PUDP: variants seen among roughly 807,000 people sequenced by gnomAD.
PUDP encodes the protein pseudouridine-5'-phosphatase.
In PUDP, 8 loss-of-function variants were observed where a neutral mutation model predicts 9.4. The observed-to-expected ratio is 0.85, with a 90% CI of 0.50 to 1.53. PUDP has a LOEUF of 1.53. PUDP is among the 40% of genes most tolerant of loss of function. The probability of loss-of-function intolerance (pLI) is 0.00; values close to 1 mark genes in which losing one functional copy is unlikely to be tolerated. For synonymous variants in PUDP, 99 were observed against 80.7 expected, an observed-to-expected ratio of 1.23 and a Z score of -1.22; for missense variants, 188 against 189.7, an observed-to-expected ratio of 0.99 and a Z score of 0.05.
chrX:6,709,745 G>A (rs1362599072), intron 1 of PUDP, among the ~76,000 whole-genome samples: 1 of 112,373 alleles, frequency 8.9e-6, no homozygotes, highest in Non-Finnish European at 1.9e-5. Flanking sequence ...TCGCTTTTAA[G>A]TCAGGGACTT....
intron 1 of PUDP, chrX:7,116,816 T>A (rs1489759798): frequency 2.2e-6 from 2 of 902,405 alleles, no homozygotes; most frequent in African/African-American, 4.0e-5. Flanking sequence ...TGGGGGCAGA[T>A]CCTTCGCTTG....
At chrX:7,031,857 C>T (rs1315490901) in intron 1 of PUDP, among the ~76,000 whole-genome samples, 2 of 111,756 alleles carry the variant, frequency 1.8e-5, no homozygotes, top group Admixed American at 9.5e-5. Context: ...TACAATAAAA[C>T]AAAGGTAGAC....
intron 3 of PUDP, among the ~76,000 whole-genome samples, chrX:6,907,147 C>T (rs943824554): frequency 7.2e-5 from 8 of 110,725 alleles, no homozygotes; most frequent in Non-Finnish European, 1.1e-4. Flanking sequence ...TACCCCCATG[C>T]TGCTATTCTC....
intron 1 of PUDP, among the ~76,000 whole-genome samples, chrX:6,988,785 C>G (rs1319516239): frequency 9.0e-6 from 1 of 110,976 alleles, no homozygotes; most frequent in Non-Finnish European, 1.9e-5. Flanking sequence ...TTAAGATTTC[C>G]TTCATTATCT....
rs148510267 is a variant in PUDP at position 6,828,263 on chromosome X, T to C, written c.*248-121797A>G. Among the ~76,000 whole-genome samples the C allele has an allele frequency of 1.9e-3, 217 of 111,718 alleles. 1 individual carries two copies. The highest frequency in any genetic ancestry group is 7.0e-3 in the African/African-American group (215 of 30,753). On this transcript the variant is annotated intron_variant and NMD_transcript_variant, in intron 3 of 3. Transcript: ENST00000655425. ...CGAAAATAAGTGAGATCCATGCACA[T>C]TGCATACTTGTTTGTCTACTGATTC... is the stretch of plus-strand genomic sequence containing the variant.
At chrX:6,793,057 C>T (rs1197063710) in intron 3 of PUDP, among the ~76,000 whole-genome samples, 1 of 112,283 alleles carries the variant, frequency 8.9e-6, no homozygotes, top group African/African-American at 3.2e-5. Context: ...ATTTATTGCT[C>T]ACAATTTTGG....
intron 3 of PUDP, among the ~76,000 whole-genome samples, chrX:6,797,851 C>T (rs1336627916): frequency 8.9e-6 from 1 of 112,213 alleles, no homozygotes; most frequent in African/African-American, 3.2e-5. Context: ...ATATAATCCC[C>T]AATGCCATCT....
chrX:6,919,858 CAAAAAAAAAAAAAAAAAAAAAAAAAAAA>C (rs58441346), intron 3 of PUDP, among the ~76,000 whole-genome samples: 2 of 26,501 alleles, frequency 7.5e-5, no homozygotes, highest in African/African-American at 3.0e-4. Flanking sequence ...GACTCCATCT[CAAAAAAAAAAAAAAAAAAAAAAAAAAAA>C]AAAAAAAAAA....
chrX:7,107,955 T>A (rs1373922767), intron 1 of PUDP, among the ~76,000 whole-genome samples: 3 of 112,220 alleles, frequency 2.7e-5, no homozygotes, highest in African/African-American at 9.7e-5. Flanking sequence ...GCCGGGAAGG[T>A]CTCTTGTGAG....
chrX:7,077,267 A>G lies in PUDP; in HGVS notation c.463T>C (p.Phe155Leu). The G allele has an allele frequency of 8.3e-7, 1 of 1,205,142 alleles. No homozygotes were observed. The highest frequency in any genetic ancestry group is 1.1e-6 in the Non-Finnish European group (1 of 892,188). Residue 155 changes from phenylalanine to leucine, a missense_variant, in exon 3 of 4, where the codon TTC becomes CTC. By Grantham distance (22) the Phe-to-Leu change is conservative (BLOSUM62 0). Transcript: ENST00000381077. ...VQHGKPDPDI[F>L]LACAKRFSPP... is the part of the protein sequence containing the mutation. ...GAGAACCTCTTGGCACAAGCTAGGA[A>G]GATGTCCGGGTCTGGCTTGCCATGC...
At chrX:7,030,074 A>AT (rs1235287157) in intron 1 of PUDP, among the ~76,000 whole-genome samples, 1 of 104,121 alleles carries the variant, frequency 9.6e-6, no homozygotes, top group East Asian at 3.0e-4. Flanking sequence ...AATCAGGTGT[A>AT]TTTTTTAAAA....
chrX:6,977,397 A>G (rs1047136283), intron 2 of PUDP, among the ~76,000 whole-genome samples: 6 of 112,002 alleles, frequency 5.4e-5, no homozygotes, highest in Non-Finnish European at 9.4e-5. Flanking sequence ...AATAGTATAC[A>G]CCTTCAAGGA....
intron 3 of PUDP, among the ~76,000 whole-genome samples, chrX:6,753,088 C>T (rs1015848370): frequency 8.1e-5 from 9 of 110,687 alleles, no homozygotes; most frequent in African/African-American, 1.3e-4. Flanking sequence ...GCAGTATATG[C>T]TGCACCCTAT....
chrX:6,717,975 CAT>C (rs1036722133), intron 1 of PUDP, among the ~76,000 whole-genome samples: 12 of 111,432 alleles, frequency 1.1e-4, no homozygotes, highest in African/African-American at 3.9e-4. Context: ...ATTTTTTTTA[CAT>C]GTTTATTGGT....
At chrX:7,035,963 G>T (rs778216238) in intron 1 of PUDP, among the ~76,000 whole-genome samples, 31 of 111,620 alleles carry the variant, frequency 2.8e-4, no homozygotes, top group African/African-American at 9.8e-4. Flanking sequence ...AGACCTGGTT[G>T]TTAAAAGAGC....
intron 3 of PUDP, among the ~76,000 whole-genome samples, chrX:6,727,703 G>T (rs1027844118): frequency 1.8e-5 from 2 of 111,797 alleles, no homozygotes; most frequent in South Asian, 3.7e-4. Context: ...AGTGGGTGTG[G>T]CTGTCATCCC....
At chrX:6,842,660 T>C (rs902643682) in intron 3 of PUDP, among the ~76,000 whole-genome samples, 2 of 112,796 alleles carry the variant, frequency 1.8e-5, no homozygotes, top group East Asian at 5.5e-4. Flanking sequence ...GTATTTGAAC[T>C]ATTACATATA....
At chrX:6,839,900 CCT>C (rs1448993328) in intron 3 of PUDP, among the ~76,000 whole-genome samples, 9 of 110,597 alleles carry the variant, frequency 8.1e-5, no homozygotes, top group Non-Finnish European at 1.3e-4. Flanking sequence ...TATGCCCCCC[CCT>C]CCCCCATACA....
rs535550349 is a variant in PUDP, at chrX:7,020,582, G to A, written c.205-42239C>T. Among the ~76,000 whole-genome samples the A allele has an allele frequency of 5.4e-5, 6 of 111,416 alleles. No homozygotes were observed. In the South Asian group the frequency reaches 1.1e-3, roughly 21 times the overall value. ...TGTTAATAGCATGTCTGTAATACAC[G>A]CACAACCACATATACCACCATCTTT... On this transcript the variant is annotated intron_variant and NMD_transcript_variant, in intron 1 of 3. Transcript: ENST00000655425.
Sources: allele counts gnomAD v4.1 joint callset (sites outside exome capture counted in the v4.1 genomes callset), GRCh38; gene constraint gnomAD v4.1.1; transcripts MANE v1.5; gene names NCBI Gene and HGNC (gene_info 2026-07-23, HGNC 2026-07-21).